The following SEC23B variants were observed in gnomAD, a reference collection of about 807,000 sequenced individuals.
SEC23B encodes the protein SEC23 homolog B, COPII component, also known as protein transport protein Sec23B.
SEC23B carries 77 observed loss-of-function variants against 104.3 expected under a neutral mutation model. That is an observed-to-expected ratio of 0.74 (90% CI 0.61 to 0.89). The LOEUF is 0.89. Among genes scored for constraint, SEC23B ranks in the 40% least tolerant of loss-of-function variants. The pLI, the probability that SEC23B is intolerant of heterozygous loss-of-function variation, is 0.00. For synonymous variants in SEC23B, 338 were observed against 332.5 expected (o/e 1.02, Z -0.18); for missense variants, 885 against 949.4 (o/e 0.93, Z 0.89).
intron 4 of SEC23B, among the ~76,000 whole-genome samples, chr20:18,522,940 A>G (rs6112006): frequency 0.68 from 103,138 of 151,490 alleles, 36,553 homozygotes; most frequent in Non-Finnish European, 0.8. Context: ...GGTGGTGGGC[A>G]CCTATAGTCC....
At chr20:18,529,115 C>T (rs2060159466) in intron 9 of SEC23B, among the ~76,000 whole-genome samples, 1 of 152,140 alleles carries the variant, frequency 6.6e-6, no homozygotes, top group Non-Finnish European at 1.5e-5. Flanking sequence ...TGGAAACTGT[C>T]ATGTGAGGAA....
chr20:18,532,545 G>T, intron 10 of SEC23B, 119 bp from the exon 11 acceptor site: 1 of 812,082 alleles, frequency 1.2e-6, no homozygotes, highest in South Asian at 1.4e-5. Context: ...TCCCTGTGGA[G>T]TTTTCTCTTG....
intron 13 of SEC23B, 92 bp from the exon 14 acceptor site, chr20:18,542,927 C>T (rs1329111874): frequency 6.6e-7 from 1 of 1,519,766 alleles, no homozygotes. Context: ...GAATGAGCCA[C>T]TGCACCTAGC....
chr20:18,527,434 A>G, intron 8 of SEC23B, 62 bp from the exon 9 acceptor site: 1 of 911,286 alleles, frequency 1.1e-6, no homozygotes, highest in Admixed American at 1.7e-5. Context: ...TCCTTCGGTA[A>G]TTCAGGCATA....
At position 18,542,358 on chromosome 20, in the gene SEC23B, C is replaced by G. The variant is rs2273526; in HGVS notation, c.1467C>G (p.His489Gln). The G allele has an allele frequency of 0.12, 186,326 of 1,614,028 alleles. 11,624 individuals are homozygous for G. Among genetic ancestry groups the G allele is most frequent in the Admixed American group, 0.2 (11,932 of 60,020 alleles). The change falls in exon 13 of 20, where the codon CAC (histidine) becomes CAG (glutamine). Residue 489 changes from histidine to glutamine, a missense_variant. His to Gln is a conservative substitution (Grantham distance 24). Coordinates refer to ENST00000650089, the MANE Select transcript of SEC23B (RefSeq NM_006363.6). ...GAIQFVTHYQ[H>Q]SSTQRRIRVT... The stretch of plus-strand genomic sequence containing the variant: ...TCCAGTTTGTCACGCATTATCAGCA[C>G]TCCAGCACCCAGAGACGCATCCGCG...
At chr20:18,555,276 A>G (rs907940378) in intron 19 of SEC23B, 103 bp downstream of exon 19, 19 of 953,620 alleles carry the variant, frequency 2.0e-5, no homozygotes, top group Non-Finnish European at 3.0e-5. Context: ...GAGACAGAAT[A>G]ACTGCGTAAG....
At chr20:18,554,893 A>G (rs1353675542) in intron 18 of SEC23B, among the ~76,000 whole-genome samples, 1 of 152,166 alleles carries the variant, frequency 6.6e-6, no homozygotes, top group African/African-American at 2.4e-5. Context: ...TAAAATACAT[A>G]TTTTATGTTT....
In SEC23B at chr20:18,525,908, G is replaced by A. The variant is rs1373634824; in HGVS notation, c.810G>A (p.Leu270=). 2 of 1,614,216 alleles carry A rather than the reference G, an allele frequency of 1.2e-6. No individual in the cohort carries two copies. Among genetic ancestry groups the A allele is most frequent in the South Asian group, 2.2e-5 (2 of 91,090 alleles). Residue 270 remains leucine, a synonymous_variant, in exon 7 of 20, where the codon TTG becomes TTA. Coordinates refer to ENST00000650089, the MANE Select transcript of SEC23B (RefSeq NM_006363.6). ...KRPLRSTGVA[L]SIAVGLLEGT... Reference sequence around the variant, plus strand: ...CTTTGCGATCCACTGGTGTGGCTTTGTCCATTGCTGTTGGCTTGCTGGAGG... The same window carrying A: ...CTTTGCGATCCACTGGTGTGGCTTTATCCATTGCTGTTGGCTTGCTGGAGG...
chr20:18,535,184 C>T (rs1229319085), intron 11 of SEC23B, among the ~76,000 whole-genome samples: 2 of 151,418 alleles, frequency 1.3e-5, no homozygotes, highest in Admixed American at 1.3e-4. Flanking sequence ...AGAGACACCC[C>T]CTGACACACC....
intron 15 of SEC23B, among the ~76,000 whole-genome samples, chr20:18,547,382 C>G (rs2122144271): frequency 6.6e-6 from 1 of 152,200 alleles, no homozygotes; most frequent in African/African-American, 2.4e-5. Context: ...AGATGTCAGC[C>G]TTGATTATTA....
intron 9 of SEC23B, among the ~76,000 whole-genome samples, chr20:18,529,564 C>A (rs1460677797): frequency 6.6e-6 from 1 of 152,222 alleles, no homozygotes; most frequent in Non-Finnish European, 1.5e-5. Flanking sequence ...CTAAGCTGCT[C>A]TACCACCATT....
intron 1 of SEC23B, among the ~76,000 whole-genome samples, chr20:18,508,724 T>TTTTTC (rs2059955033): frequency 2.1e-5 from 3 of 140,980 alleles, no homozygotes; most frequent in Non-Finnish European, 4.6e-5. Flanking sequence ...TTCTTTTTTT[T>TTTTTC]TTTTTTTTTT....
intron 1 of SEC23B, among the ~76,000 whole-genome samples, chr20:18,509,266 T>A (rs923616987): frequency 2.0e-5 from 3 of 152,240 alleles, no homozygotes; most frequent in Admixed American, 2.0e-4. Flanking sequence ...TGTTCTGGGC[T>A]TTATGTAGTA....
chr20:18,521,692 C>G (rs2060085287), intron 4 of SEC23B, among the ~76,000 whole-genome samples: 2 of 151,732 alleles, frequency 1.3e-5, no homozygotes. Flanking sequence ...TGGTGAGGAG[C>G]AACCTGGGGA....
intron 19 of SEC23B, among the ~76,000 whole-genome samples, chr20:18,559,574 T>C (rs922369175): frequency 6.6e-6 from 1 of 152,162 alleles, no homozygotes; most frequent in African/African-American, 2.4e-5. Flanking sequence ...CCACAGTTTT[T>C]CCTCTCATTT....
intron 16 of SEC23B, among the ~76,000 whole-genome samples, chr20:18,550,240 C>T (rs751986612): frequency 6.7e-4 from 102 of 151,946 alleles, no homozygotes; most frequent in Non-Finnish European, 9.6e-4. Context: ...CTGCAACCTC[C>T]GCCTTCCAGG....
At chr20:18,553,889 C>T (rs749395991) in intron 17 of SEC23B, among the ~76,000 whole-genome samples, 11 of 151,774 alleles carry the variant, frequency 7.2e-5, no homozygotes, top group Non-Finnish European at 1.3e-4. Flanking sequence ...ACCAGATGTG[C>T]GGAGATGAGA....
chr20:18,515,886 A>G, intron 4 of SEC23B, 150 bp downstream of exon 4: 4 of 676,402 alleles, frequency 5.9e-6, no homozygotes, highest in South Asian at 4.6e-5. Flanking sequence ...GTGTGCATCT[A>G]CTGGCATTGT....
At position 18,530,696 on chromosome 20, in the gene SEC23B, G is replaced by A; in HGVS notation, c.1126G>A (p.Gly376Arg). ...CTTACCTAGAGGCTACATGGTAATG[G>A]GAGATTCTTTCAACACTTCTCTCTT... ...ANLTGGYMVM[G>R]DSFNTSLFKQ... The change falls in exon 10 of 20, where the codon GGA (glycine) becomes AGA (arginine). Residue 376 changes from glycine (G) to arginine (R), a missense_variant. Transcript: ENST00000650089. 6.2e-7 allele frequency: 1 copy of A among 1,611,796 alleles called. No homozygotes were observed. The highest frequency in any genetic ancestry group is 8.5e-7 in the Non-Finnish European group (1 of 1,178,000).
Sources: allele counts gnomAD v4.1 joint callset (sites outside exome capture counted in the v4.1 genomes callset), GRCh38; gene constraint gnomAD v4.1.1; transcripts MANE v1.5; gene names NCBI Gene and HGNC (gene_info 2026-07-23, HGNC 2026-07-21).